The following PCDHA8 variants were observed in gnomAD, a reference collection of about 807,000 sequenced individuals.
The protein encoded by PCDHA8 is protocadherin alpha 8.
PCDHA8 carries 53 observed loss-of-function variants against 61.8 expected under a neutral mutation model. That is an observed-to-expected ratio of 0.86 (90% CI 0.69 to 1.08). The LOEUF (loss-of-function observed/expected upper bound fraction) is 1.08. Among genes scored for constraint, PCDHA8 ranks in the 50% least tolerant of loss-of-function variants. The pLI is 0.00. For missense variants in PCDHA8, 1,293 were observed against 1,245.0 expected (o/e 1.04, Z -0.58); for synonymous variants, 618 against 556.6 (o/e 1.11, Z -1.55).
At chr5:140,850,247 G>C (rs2150475537) in intron 1 of PCDHA8, 3 of 1,593,682 alleles carry the variant, frequency 1.9e-6, no homozygotes, top group Middle Eastern at 2.3e-4. Context: ...TGCTGCGGTC[G>C]GTGGGCGCCG....
intron 1 of PCDHA8, chr5:140,848,444 C>A: frequency 6.7e-7 from 1 of 1,498,894 alleles, no homozygotes; most frequent in Non-Finnish European, 9.1e-7. Flanking sequence ...CAGATGATTT[C>A]TTCTAATTTG....
chr5:140,884,092 G>C, intron 1 of PCDHA8: 2 of 1,613,556 alleles, frequency 1.2e-6, no homozygotes, highest in Non-Finnish European at 1.7e-6. Context: ...CGTGGCTTTC[G>C]TATGAATTGC....
intron 1 of PCDHA8, chr5:140,883,500 G>C (rs1562789727): frequency 6.2e-7 from 1 of 1,614,100 alleles, no homozygotes; most frequent in African/African-American, 1.3e-5. Flanking sequence ...GTGCTGGACA[G>C]CGCCCTGGAC....
intron 1 of PCDHA8, among the ~76,000 whole-genome samples, chr5:140,897,009 ATAC>A (rs2065839600): frequency 6.6e-6 from 1 of 152,174 alleles, no homozygotes. Flanking sequence ...ATTTTTAAAT[ATAC>A]AACTAAATTA....
chr5:140,870,443 T>G (rs1207012137), intron 1 of PCDHA8: 1 of 1,614,094 alleles, frequency 6.2e-7, no homozygotes, highest in Non-Finnish European at 8.5e-7. Flanking sequence ...GTGGCCGACG[T>G]GAACGACAAT....
intron 1 of PCDHA8, among the ~76,000 whole-genome samples, chr5:140,873,668 T>G (rs1315193684): frequency 6.6e-6 from 1 of 152,206 alleles, no homozygotes; most frequent in Non-Finnish European, 1.5e-5. Flanking sequence ...TATTATTATT[T>G]GTTTCTTTTT....
intron 3 of PCDHA8, among the ~76,000 whole-genome samples, chr5:141,003,559 T>C (rs2098129977): frequency 6.6e-6 from 1 of 152,106 alleles, no homozygotes; most frequent in Admixed American, 6.5e-5. Context: ...GTGATCCACC[T>C]GCCTCAGACT....
chr5:140,863,444 G>A, intron 1 of PCDHA8: 4 of 585,532 alleles, frequency 6.8e-6, no homozygotes, highest in South Asian at 2.8e-5. Context: ...GGTCTTACTC[G>A]CAGCAAAGGA....
intron 1 of PCDHA8, among the ~76,000 whole-genome samples, chr5:140,888,308 G>A (rs1383199158): frequency 1.3e-5 from 2 of 152,106 alleles, no homozygotes; most frequent in Non-Finnish European, 2.9e-5. Flanking sequence ...AGATAATTTG[G>A]CAATGCCTGG....
intron 2 of PCDHA8, among the ~76,000 whole-genome samples, chr5:140,980,631 A>G (rs1272240071): frequency 6.6e-6 from 1 of 152,222 alleles, no homozygotes; most frequent in Non-Finnish European, 1.5e-5. Flanking sequence ...TCTGTCTCAG[A>G]AGAATAAATA....
intron 3 of PCDHA8, among the ~76,000 whole-genome samples, chr5:140,984,430 A>T (rs1236503699): frequency 6.6e-6 from 1 of 152,080 alleles, no homozygotes; most frequent in East Asian, 1.9e-4. Flanking sequence ...AGAGAAGGGG[A>T]TCTCCCTTGT....
chr5:140,902,565 T>G (rs571957153), intron 1 of PCDHA8, among the ~76,000 whole-genome samples: 1 of 152,110 alleles, frequency 6.6e-6, no homozygotes. Context: ...TTTTTGAGGG[T>G]TTTTAAGATT....
At position 140,848,707 on chromosome 5, in the gene PCDHA8, G is replaced by T. The variant is rs2150418357; in HGVS notation, c.2394+4992G>T. 8 of 1,592,314 alleles carry T rather than the reference G, an allele frequency of 5.0e-6. 3 individuals are homozygous for T. Among genetic ancestry groups the T allele is most frequent in the Middle Eastern group, 3.5e-4 (2 of 5,774 alleles). ...CTGTTCCAGTTGGATTCCAAAGGCC[G>T]CGGGGACCTTCTGGAGGTAAATCTG... On this transcript the variant is annotated intron_variant, in intron 1 of 3. Coordinates refer to ENST00000531613, the MANE Select transcript of PCDHA8 (RefSeq NM_018911.3).
At chr5:140,914,451 C>A (rs879984519) in intron 1 of PCDHA8, among the ~76,000 whole-genome samples, 1 of 152,094 alleles carries the variant, frequency 6.6e-6, no homozygotes, top group Non-Finnish European at 1.5e-5. Context: ...TCTTTATTTT[C>A]CAGTCTATGT....
In PCDHA8 at chr5:140,842,240, A is replaced by G; in HGVS notation, c.919A>G (p.Asn307Asp). The change falls in exon 1 of 4, where the codon AAT becomes GAT. Residue 307 changes from asparagine (N) to aspartate (D), a missense_variant. Physicochemically the swap from Asn to Asp is conservative, Grantham distance 23. Coordinates refer to ENST00000531613, the MANE Select transcript of PCDHA8 (RefSeq NM_018911.3). ...RNTGEIVIRG[N>D]LDFEQENLYK... is the part of the protein sequence containing the mutation. ...TACGGGAGAAATAGTGATTCGGGGT[A>G]ATTTGGATTTTGAACAAGAAAACTT... 1 of 1,612,484 alleles carries G rather than the reference A, an allele frequency of 6.2e-7. No individual in the cohort carries two copies. The highest frequency in any genetic ancestry group is 2.2e-5 in the East Asian group (1 of 44,870).
At chr5:140,889,637 G>A (rs184352635) in intron 1 of PCDHA8, among the ~76,000 whole-genome samples, 5 of 151,668 alleles carry the variant, frequency 3.3e-5, no homozygotes, top group Admixed American at 3.3e-4. Context: ...CTTTTCATTT[G>A]TGTTTGCAGG....
At chr5:140,991,180 C>T (rs2097436577) in intron 3 of PCDHA8, among the ~76,000 whole-genome samples, 1 of 152,160 alleles carries the variant, frequency 6.6e-6, no homozygotes. Context: ...AAGCAGGATG[C>T]CTAGCACACA....
rs2150325943 is a variant in PCDHA8 at position 140,841,941 on chromosome 5, C to T, written c.620C>T (p.Ala207Val). Residue 207 changes from alanine (A) to valine (V), a missense_variant, in exon 1 of 4, where the codon GCG (alanine) becomes GTG (valine). Transcript: ENST00000531613. ...RKSLDREDAP[A>V]HHLFLTATDG... ...TCCTTGGACAGAGAGGACGCTCCTG[C>T]GCACCACTTATTCCTGACAGCCACA... is the stretch of plus-strand genomic sequence containing the variant. The T allele has an allele frequency of 1.3e-5, 21 of 1,613,918 alleles. No individual in the cohort carries two copies. Among genetic ancestry groups the T allele is most frequent in the Non-Finnish European group, 1.8e-5 (21 of 1,179,872 alleles).
intron 1 of PCDHA8, among the ~76,000 whole-genome samples, chr5:140,935,509 C>T (rs2090411551): frequency 6.6e-6 from 1 of 152,080 alleles, no homozygotes; most frequent in Admixed American, 6.6e-5. Context: ...TTACAAATGC[C>T]CAGTAGGCAT....
Sources: allele counts gnomAD v4.1 joint callset (sites outside exome capture counted in the v4.1 genomes callset), GRCh38; gene constraint gnomAD v4.1.1; transcripts MANE v1.5; gene names NCBI Gene and HGNC (gene_info 2026-07-23, HGNC 2026-07-21).